The following SF3B2 variants were observed in gnomAD, a reference collection of about 807,000 sequenced individuals.
The protein encoded by SF3B2 is splicing factor 3b subunit 2, also known as SAP 145.
A neutral mutation model predicts 116.3 loss-of-function variants in SF3B2; 22 were observed. The ratio of observed to expected loss-of-function variants is 0.19; its 90% confidence interval spans 0.14 to 0.27. The LOEUF (loss-of-function observed/expected upper bound fraction) is 0.27, where lower values mean the gene tolerates loss of function less well. Ranked by LOEUF, SF3B2 falls within the 10% of genes least tolerant of loss-of-function variation. The pLI is 1.00. For synonymous variants in SF3B2, 406 were observed against 421.6 expected (o/e 0.96, Z 0.45); for missense variants, 767 against 1,151.4 (o/e 0.67, Z 4.83).
Position 66,059,493 on chromosome 11 carries a change from A to C in SF3B2, c.1321-22A>C. On this transcript the variant is annotated intron_variant, in intron 11 of 21. Coordinates refer to ENST00000322535, the MANE Select transcript of SF3B2 (RefSeq NM_006842.3). This position sits in a 1 kb window ranked among gnomAD's most constrained non-coding sequence, Gnocchi z 5.0. ...CATTCACATCTGAGTCCTGCTTAAA[A>C]GGGCTGATTGTTCTGTTCTAGGAAA... is the stretch of plus-strand genomic sequence containing the variant. 6.2e-7 allele frequency: 1 copy of C among 1,613,830 alleles called. No homozygotes were observed. Among genetic ancestry groups the C allele is most frequent in the Non-Finnish European group, 8.5e-7 (1 of 1,179,774 alleles).
rs148046619 is a variant in SF3B2 at position 66,059,942 on chromosome 11, C to G, written c.1562C>G (p.Pro521Arg). The change falls in exon 13 of 22, where the codon CCC becomes CGC. Residue 521 changes from proline to arginine, a missense_variant. Coordinates refer to ENST00000322535, the MANE Select transcript of SF3B2 (RefSeq NM_006842.3). The surrounding 1 kb of genome is among the most constrained non-coding windows in gnomAD (Gnocchi z 5.0). ...LQGKRGIEKP[P>R]FELPDFIKRT... ...GGCAAACGGGGCATTGAGAAGCCCC[C>G]CTTCGAGCTGCCAGACTTCATCAAA... 6.2e-7 allele frequency: 1 copy of G among 1,614,108 alleles called. No individual in the cohort carries two copies. Among genetic ancestry groups the G allele is most frequent in the African/African-American group, 1.3e-5 (1 of 74,928 alleles).
At chr11:66,053,202 A>G (rs503156) in intron 3 of SF3B2, 98 bp downstream of exon 3, 337,030 of 1,113,354 alleles carry the variant, frequency 0.3, 54,878 homozygotes, top group East Asian at 0.51. Context: ...GTGAGATGTG[A>G]CACCCTTGCA....
At chr11:66,063,278 T>C in intron 17 of SF3B2, 122 bp from the exon 18 acceptor site, 1 of 1,103,126 alleles carries the variant, frequency 9.1e-7, no homozygotes, top group Non-Finnish European at 1.3e-6. Flanking sequence ...TCACTAGAAT[T>C]TGAGCTCTAG....
chr11:66,060,125 A>G, intron 13 of SF3B2, 116 bp downstream of exon 13: 5 of 921,540 alleles, frequency 5.4e-6, no homozygotes, highest in Non-Finnish European at 6.6e-6. Context: ...TTACTTGTCT[A>G]ATTATCCTTT....
intron 9 of SF3B2, 86 bp downstream of exon 9, chr11:66,058,491 T>A: frequency 9.9e-7 from 1 of 1,012,786 alleles, no homozygotes; most frequent in Non-Finnish European, 1.5e-6. Context: ...GTTCAGTAAG[T>A]AATAGCTTCT....
chr11:66,061,782 G>A lies in SF3B2; in HGVS notation c.1869+7G>A. The stretch of plus-strand genomic sequence containing the variant: ...GGGGATGCCAGTAGGACCAGTGAGT[G>A]TCAGTTAGCTGTCTGGGGAAGCAGC... On this transcript the variant is annotated splice_region_variant and intron_variant, in intron 15 of 21. Coordinates refer to ENST00000322535, the MANE Select transcript of SF3B2 (RefSeq NM_006842.3). The A allele has an allele frequency of 6.2e-7, 1 of 1,612,806 alleles. No homozygotes were observed. Among genetic ancestry groups the A allele is most frequent in the East Asian group, 2.2e-5 (1 of 44,888 alleles).
At chr11:66,062,057 T>C in intron 16 of SF3B2, 59 bp downstream of exon 16, 1 of 1,255,458 alleles carries the variant, frequency 8.0e-7, no homozygotes, top group Non-Finnish European at 1.1e-6. Flanking sequence ...GGAAGGTAAT[T>C]TGTTTGTTTT....
intron 2 of SF3B2, 153 bp downstream of exon 2, chr11:66,052,872 T>G (rs1157036576): frequency 1.7e-6 from 2 of 1,180,798 alleles, no homozygotes; most frequent in Non-Finnish European, 2.4e-6. Context: ...GCCAGCTTAG[T>G]TGTAATTTCT....
In SF3B2 at chr11:66,060,577, C is replaced by T. The variant is rs371287085; in HGVS notation, c.1630-5C>T. On this transcript the variant is annotated splice_polypyrimidine_tract_variant and splice_region_variant and intron_variant, in intron 13 of 21. Coordinates refer to ENST00000322535, the MANE Select transcript of SF3B2 (RefSeq NM_006842.3). ...TTAAGGCTTGTTTGCTGCCATTCTC[C>T]ACAGGAAGAACAGAAGACCATGAAG... is the stretch of plus-strand genomic sequence containing the variant. The T allele has an allele frequency of 1.2e-6, 2 of 1,613,948 alleles. No homozygotes were observed. Among genetic ancestry groups the T allele is most frequent in the African/African-American group, 1.3e-5 (1 of 74,892 alleles).
Position 66,052,516 on chromosome 11 carries a change from G to C in SF3B2, c.132G>C (p.Gln44His), listed in dbSNP as rs769625758. ...AKLAEIGAPI[Q>H]GNREELVERL... ...TGGCAGAGATCGGAGCTCCGATCCA[G>C]GGTGAGGAACACAGGAAGTCGAGGG... The change falls in exon 1 of 22, where the codon CAG becomes CAC. Residue 44 changes from glutamine to histidine, a missense_variant and splice_region_variant. Transcript: ENST00000322535. 1 of 1,612,594 alleles carries C rather than the reference G, an allele frequency of 6.2e-7. No individual in the cohort carries two copies.
At chr11:66,060,529 T>C (rs1364905020) in intron 13 of SF3B2, 53 bp from the exon 14 acceptor site, 2 of 1,603,756 alleles carry the variant, frequency 1.2e-6, no homozygotes, top group African/African-American at 1.3e-5. Context: ...CTGGATTCTC[T>C]ACATGAATTT....
intron 3 of SF3B2, 47 bp from the exon 4 acceptor site, chr11:66,055,029 T>G (rs1277591581): frequency 9.4e-6 from 14 of 1,486,934 alleles, no homozygotes; most frequent in Non-Finnish European, 1.3e-5. Context: ...ATTTGCAGAA[T>G]GAGTAGATAA....
chr11:66,060,064 A>G, intron 13 of SF3B2, 55 bp downstream of exon 13: 1 of 1,501,016 alleles, frequency 6.7e-7, no homozygotes, highest in Non-Finnish European at 9.2e-7. Flanking sequence ...CCTTCATAGC[A>G]GTGTGCTTCA....
In SF3B2 at chr11:66,059,178, T is replaced by C. The variant is rs1261555604; in HGVS notation, c.1183-23T>C. On this transcript the variant is annotated intron_variant, in intron 10 of 21. Transcript: ENST00000322535. This position sits in a 1 kb window ranked among gnomAD's most constrained non-coding sequence, Gnocchi z 5.0. ...TGGGAAGGGGCTCAGAGGGCAGGGG[T>C]TTCACCTTGTCTGCCTCCTTAGCTC... is the stretch of plus-strand genomic sequence containing the variant. 39 of 1,613,490 alleles carry C rather than the reference T, an allele frequency of 2.4e-5. No homozygotes were observed. The highest frequency in any genetic ancestry group is 3.3e-5 in the Non-Finnish European group (39 of 1,179,894).
intron 2 of SF3B2, 65 bp downstream of exon 2, chr11:66,052,784 C>G: frequency 6.7e-7 from 1 of 1,490,220 alleles, no homozygotes; most frequent in Non-Finnish European, 9.0e-7. Flanking sequence ...TATACCCCAT[C>G]ACGGCTCGGT....
intron 14 of SF3B2, among the ~76,000 whole-genome samples, chr11:66,061,244 T>C (rs1857096367): frequency 6.6e-6 from 1 of 152,192 alleles, no homozygotes; most frequent in South Asian, 2.1e-4. Context: ...ACTCTTCGTA[T>C]CCTGTCTTAG....
chr11:66,055,035 G>T, intron 3 of SF3B2, 41 bp from the exon 4 acceptor site: 2 of 1,496,026 alleles, frequency 1.3e-6, no homozygotes, highest in Non-Finnish European at 1.8e-6. Context: ...AGAATGAGTA[G>T]ATAAATGCTT....
Position 66,052,493 on chromosome 11 carries a change from G to T in SF3B2, c.109G>T (p.Ala37Ser). 6.2e-7 allele frequency: 1 copy of T among 1,613,788 alleles called. No homozygotes were observed. The highest frequency in any genetic ancestry group is 1.7e-4 in the Middle Eastern group (1 of 6,022). ...WAAQELQAKL[A>S]EIGAPIQGNR... ...TGCCCAGGAGCTTCAGGCCAAGTTG[G>T]CAGAGATCGGAGCTCCGATCCAGGG... is the stretch of plus-strand genomic sequence containing the variant. Residue 37 changes from alanine (A) to serine (S), a missense_variant, in exon 1 of 22, where the codon GCA (alanine) becomes TCA (serine). Ala to Ser is a moderately conservative substitution (Grantham distance 99). This residue lies in a region of SF3B2 where 455 missense variants were observed against 537.5 expected (regional missense o/e 0.85). Coordinates refer to ENST00000322535, the MANE Select transcript of SF3B2 (RefSeq NM_006842.3).
intron 5 of SF3B2, among the ~76,000 whole-genome samples, chr11:66,056,399 C>CAAAAA (rs34575917): frequency 3.8e-5 from 2 of 52,172 alleles, no homozygotes; most frequent in South Asian, 8.5e-4. Context: ...GACTCTGTCT[C>CAAAAA]AAAAAAAAAA....
Sources: gnomAD v4.1 joint callset for allele counts (sites outside exome capture counted in the v4.1 genomes callset) on GRCh38, gnomAD v4.1.1 for gene constraint, gnomAD v4.1.1 regional missense constraint, Gnocchi (gnomAD v3.1) non-coding constraint, MANE v1.5 for transcripts, NCBI Gene and HGNC (gene_info 2026-07-23, HGNC 2026-07-21) for gene names.